The following MAD1L1 variants were observed in gnomAD, a reference collection of about 807,000 sequenced individuals.
MAD1L1 encodes the protein mitotic spindle assembly checkpoint protein MAD1.
In MAD1L1, 95 loss-of-function variants were observed where a neutral mutation model predicts 96.9. That is an observed-to-expected ratio of 0.98 (90% CI 0.83 to 1.16). MAD1L1 has a LOEUF of 1.16. Among genes scored for constraint, MAD1L1 ranks in the 50% most tolerant of loss-of-function variants. The pLI is 0.00. For synonymous variants in MAD1L1, 473 were observed against 396.6 expected (o/e 1.19, Z -2.29); for missense variants, 1,007 against 954.4 (o/e 1.06, Z -0.73).
At chr7:2,218,820 A>G (rs528674016) in intron 6 of MAD1L1, among the ~76,000 whole-genome samples, 2 of 152,062 alleles carry the variant, frequency 1.3e-5, no homozygotes, top group African/African-American at 4.8e-5. Context: ...GAATCACTGA[A>G]CCCAGGAGGC....
At chr7:1,870,196 C>T (rs1362415609) in intron 18 of MAD1L1, among the ~76,000 whole-genome samples, 1 of 152,036 alleles carries the variant, frequency 6.6e-6, no homozygotes, top group African/African-American at 2.4e-5. Flanking sequence ...CCAACATATG[C>T]CTGCCATGCT....
chr7:2,060,305 C>G (rs1485142418), intron 12 of MAD1L1, among the ~76,000 whole-genome samples: 117 of 95,682 alleles, frequency 1.2e-3, no homozygotes, highest in African/African-American at 4.1e-3. Flanking sequence ...ATACGCCGAT[C>G]CCGAGATACG....
intron 11 of MAD1L1, among the ~76,000 whole-genome samples, chr7:2,128,211 C>T (rs575666248): frequency 1.3e-5 from 2 of 152,280 alleles, no homozygotes; most frequent in East Asian, 3.9e-4. Context: ...TTAGAGTTCT[C>T]TGGTCCCAGA....
chr7:1,820,323 G>C (rs1355173181), intron 18 of MAD1L1, among the ~76,000 whole-genome samples: 1 of 152,138 alleles, frequency 6.6e-6, no homozygotes. Flanking sequence ...CCTGTATCAG[G>C]AAAGGAGAAA....
rs935207418 is a variant in MAD1L1, at chr7:2,082,774, C to T, written c.1074-13436G>A. Among the ~76,000 whole-genome samples, 7 of 152,364 alleles carry T rather than the reference C, an allele frequency of 4.6e-5. No individual in the cohort carries two copies. The East Asian group carries it at 5.8e-4, about 13-fold the overall frequency. The stretch of plus-strand genomic sequence containing the variant: ...GAAGCTGAGGCTCTAGTGCCCATGA[C>T]AATTGATGGAGCCCGGCGCCTGCAC... On this transcript the variant is annotated intron_variant, in intron 11 of 18. Coordinates refer to ENST00000265854, the MANE Select transcript of MAD1L1 (RefSeq NM_001013836.2).
intron 12 of MAD1L1, among the ~76,000 whole-genome samples, chr7:2,017,470 C>T (rs1198011596): frequency 1.3e-5 from 2 of 152,168 alleles, no homozygotes; most frequent in African/African-American, 4.8e-5. Context: ...GACAGGGCCT[C>T]GGTGCCCTGG....
rs1348571991 is a variant in MAD1L1 at position 2,027,881 on chromosome 7, G to C, written c.1219-13239C>G. 2.1e-4 allele frequency among the ~76,000 whole-genome samples: 32 copies of C among 152,180 alleles called. 1 individual carries two copies. Among genetic ancestry groups the C allele is most frequent in the Non-Finnish European group, 1.5e-5 (1 of 68,010 alleles). Reference sequence around the variant, plus strand: ...GCCACAGATAAGAAGAGGCATGAAAGGTACGAAGATCAAGAAGACAATGAA... The same window carrying C: ...GCCACAGATAAGAAGAGGCATGAAACGTACGAAGATCAAGAAGACAATGAA... On this transcript the variant is annotated intron_variant, in intron 12 of 18. Transcript: ENST00000265854.
chr7:1,908,086 G>A (rs1228049190), intron 17 of MAD1L1, among the ~76,000 whole-genome samples: 1 of 152,200 alleles, frequency 6.6e-6, no homozygotes, highest in Non-Finnish European at 1.5e-5. Flanking sequence ...CGGTCCCAAC[G>A]ATGTAGCACA....
At chr7:1,868,535 G>A (rs2128653453) in intron 18 of MAD1L1, among the ~76,000 whole-genome samples, 1 of 152,180 alleles carries the variant, frequency 6.6e-6, no homozygotes. Context: ...CAGGGGGTGG[G>A]GAAGGGAGCT....
chr7:2,200,400 A>C (rs1442865731), intron 10 of MAD1L1: 1 of 152,312 alleles, frequency 6.6e-6, no homozygotes, highest in Non-Finnish European at 1.5e-5. Context: ...GGTCTAAGGA[A>C]GGTTCGCTGG....
chr7:2,058,508 C>T (rs550936422), intron 12 of MAD1L1, among the ~76,000 whole-genome samples: 9 of 75,060 alleles, frequency 1.2e-4, no homozygotes, highest in African/African-American at 3.6e-4. Flanking sequence ...GGGAGTGTGG[C>T]CAGAGGAGAG....
chr7:1,995,098 C>G (rs555883099), intron 14 of MAD1L1, among the ~76,000 whole-genome samples: 4 of 152,254 alleles, frequency 2.6e-5, no homozygotes, highest in Non-Finnish European at 4.4e-5. Context: ...AGGCACTCAA[C>G]AAATGCTTGC....
intron 4 of MAD1L1, 112 bp from the exon 5 acceptor site, chr7:2,222,866 C>T: frequency 1.1e-6 from 1 of 913,060 alleles, no homozygotes; most frequent in Non-Finnish European, 1.6e-6. Flanking sequence ...AAGAGCCGAG[C>T]AGGACCCATG....
chr7:2,212,326 C>T (rs945657625), intron 10 of MAD1L1, among the ~76,000 whole-genome samples: 1 of 152,216 alleles, frequency 6.6e-6, no homozygotes, highest in African/African-American at 2.4e-5. Flanking sequence ...GCACAGACTG[C>T]GTGAAGAGGC....
At chr7:2,199,566 T>C (rs1212222657) in intron 10 of MAD1L1, among the ~76,000 whole-genome samples, 1 of 152,266 alleles carries the variant, frequency 6.6e-6, no homozygotes, top group Non-Finnish European at 1.5e-5. Flanking sequence ...CGGATGTCCC[T>C]GGAGTTTCGA....
intron 16 of MAD1L1, among the ~76,000 whole-genome samples, chr7:1,957,115 G>A (rs1008058997): frequency 6.6e-6 from 1 of 152,234 alleles, no homozygotes; most frequent in East Asian, 1.9e-4. Flanking sequence ...AGGCCAGCGC[G>A]GCTCGGAGCC....
chr7:1,879,299 T>C (rs939983986), intron 18 of MAD1L1, among the ~76,000 whole-genome samples: 1 of 151,832 alleles, frequency 6.6e-6, no homozygotes, highest in African/African-American at 2.4e-5. Context: ...CTACTAAAAA[T>C]AAAAACTTAG....
chr7:1,946,571 T>C lies in MAD1L1; in HGVS notation c.1597-9674A>G, dbSNP rs185588798. On this transcript the variant is annotated intron_variant, in intron 16 of 18. Coordinates refer to ENST00000265854, the MANE Select transcript of MAD1L1 (RefSeq NM_001013836.2). Reference sequence around the variant, plus strand: ...TTCCTTTGATGCGATGGTGCAATCATTGACTCAACAGAAATCTTTCACTTG... The same window carrying C: ...TTCCTTTGATGCGATGGTGCAATCACTGACTCAACAGAAATCTTTCACTTG... 1.1e-3 allele frequency among the ~76,000 whole-genome samples: 167 copies of C among 152,386 alleles called. 10 individuals are homozygous for C. Among genetic ancestry groups the C allele is most frequent in the Middle Eastern group, 3.4e-3 (1 of 294 alleles).
chr7:2,106,603 C>T (rs1223087546), intron 11 of MAD1L1, among the ~76,000 whole-genome samples: 2 of 152,222 alleles, frequency 1.3e-5, no homozygotes, highest in Non-Finnish European at 2.9e-5. Context: ...AGGAGACCGC[C>T]TCCCTCCTCT....
Sources: allele counts gnomAD v4.1 joint callset (sites outside exome capture counted in the v4.1 genomes callset), GRCh38; gene constraint gnomAD v4.1.1; transcripts MANE v1.5; gene names NCBI Gene and HGNC (gene_info 2026-07-23, HGNC 2026-07-21).